EIF3K: variants seen among roughly 807,000 people sequenced by gnomAD.
EIF3K encodes the protein eIF-3 p28.
EIF3K carries 27 observed loss-of-function variants against 34.2 expected under a neutral mutation model. The observed-to-expected ratio is 0.79, with a 90% CI of 0.58 to 1.09. The LOEUF (loss-of-function observed/expected upper bound fraction) is 1.09, where lower values mean the gene tolerates loss of function less well. Ranked by LOEUF, EIF3K falls within the 50% of genes least tolerant of loss-of-function variation. The pLI, the probability that EIF3K is intolerant of heterozygous loss-of-function variation, is 0.00. For missense variants in EIF3K, 232 were observed against 275.4 expected, an observed-to-expected ratio of 0.84 and a Z score of 1.11; for synonymous variants, 105 against 105.7, an observed-to-expected ratio of 0.99 and a Z score of 0.04.
chr19:38,620,353 C>G lies in EIF3K; in HGVS notation c.76C>G (p.Leu26Val), dbSNP rs763429199. 2 of 1,613,980 alleles carry G rather than the reference C, an allele frequency of 1.2e-6. No individual in the cohort carries two copies. The highest frequency in any genetic ancestry group is 4.5e-5 in the East Asian group (2 of 44,880). The change falls in exon 2 of 8, where the codon CTG becomes GTG. Residue 26 changes from leucine (L) to valine (V), a missense_variant. Coordinates refer to ENST00000248342, the MANE Select transcript of EIF3K (RefSeq NM_013234.4). The part of the protein sequence containing the change: ...KGIDRYNPEN[L>V]ATLERYVETQ... ...CTCCTTTAGGTACAATCCTGAGAAC[C>G]TGGCCACCCTGGAGCGCTATGTAGA...
intron 2 of EIF3K, among the ~76,000 whole-genome samples, chr19:38,623,112 G>C (rs957553381): frequency 6.6e-6 from 1 of 152,148 alleles, no homozygotes; most frequent in Non-Finnish European, 1.5e-5. Context: ...AAATCACAAG[G>C]GTATTGATTG....
chr19:38,635,341 C>G (rs1025127914), intron 7 of EIF3K: 1 of 617,118 alleles, frequency 1.6e-6, no homozygotes, highest in African/African-American at 1.8e-5. Context: ...GTGTCCTGCC[C>G]CATAGCACTC....
At chr19:38,636,776 G>T in intron 7 of EIF3K, 113 bp from the exon 8 acceptor site, 1 of 1,239,086 alleles carries the variant, frequency 8.1e-7, no homozygotes, top group East Asian at 2.3e-5. Context: ...TGGTAACTGG[G>T]GCCTGGAAGG....
At chr19:38,624,224 G>T (rs149505188) in intron 3 of EIF3K, 27 bp downstream of exon 3, 4 of 1,613,698 alleles carry the variant, frequency 2.5e-6, no homozygotes, top group South Asian at 2.2e-5. Context: ...GGGGCCGGGG[G>T]GTGTGTGGGA....
chr19:38,633,899 G>A (rs1976128306), intron 6 of EIF3K, among the ~76,000 whole-genome samples: 1 of 151,376 alleles, frequency 6.6e-6, no homozygotes, highest in African/African-American at 2.4e-5. Flanking sequence ...CTTGAGCCCA[G>A]GAGCAGAGGT....
At chr19:38,623,938 C>T in intron 2 of EIF3K, 139 bp from the exon 3 acceptor site, 1 of 1,344,774 alleles carries the variant, frequency 7.4e-7, no homozygotes, top group Non-Finnish European at 1.0e-6. Context: ...GGTTACACAG[C>T]TGGGAAGCAC....
chr19:38,624,887 C>G (rs1289081501), intron 3 of EIF3K, among the ~76,000 whole-genome samples: 2 of 152,192 alleles, frequency 1.3e-5, no homozygotes, highest in Admixed American at 6.5e-5. Flanking sequence ...TGTTACCTCC[C>G]AGGAAGGATG....
intron 4 of EIF3K, among the ~76,000 whole-genome samples, chr19:38,626,669 G>C (rs1341780060): frequency 6.6e-6 from 1 of 152,124 alleles, no homozygotes; most frequent in Non-Finnish European, 1.5e-5. Context: ...TCTTCTACCT[G>C]TCTGACATGC....
intron 4 of EIF3K, among the ~76,000 whole-genome samples, chr19:38,627,167 G>A (rs1416079408): frequency 2.0e-5 from 3 of 151,900 alleles, no homozygotes; most frequent in Non-Finnish European, 4.4e-5. Flanking sequence ...TGTATTTTTA[G>A]TAGAGACGGG....
At chr19:38,620,788 G>C (rs1975822561) in intron 2 of EIF3K, among the ~76,000 whole-genome samples, 1 of 152,120 alleles carries the variant, frequency 6.6e-6, no homozygotes, top group Non-Finnish European at 1.5e-5. Flanking sequence ...CAGCTACTCG[G>C]GAGGCTGAGG....
intron 4 of EIF3K, among the ~76,000 whole-genome samples, chr19:38,629,094 C>G (rs1396807099): frequency 6.6e-6 from 1 of 151,692 alleles, no homozygotes; most frequent in Non-Finnish European, 1.5e-5. Context: ...ATTTTTTATT[C>G]AAGTAAGAAA....
chr19:38,634,402 C>A (rs1976141603), intron 6 of EIF3K, among the ~76,000 whole-genome samples: 1 of 151,108 alleles, frequency 6.6e-6, no homozygotes, highest in African/African-American at 2.4e-5. Context: ...AGTTCGAGAC[C>A]AGCCTGACCA....
chr19:38,625,936 A>C (rs2144768287), intron 3 of EIF3K, 92 bp from the exon 4 acceptor site: 1 of 1,208,382 alleles, frequency 8.3e-7, no homozygotes, highest in African/African-American at 1.5e-5. Context: ...GCTTTGGAAG[A>C]AAGCAGCCAG....
At chr19:38,633,338 G>T (rs1355169689) in intron 6 of EIF3K, among the ~76,000 whole-genome samples, 1 of 151,700 alleles carries the variant, frequency 6.6e-6, no homozygotes. Context: ...ATCCCCCCAA[G>T]AACAAAAAAA....
chr19:38,625,986 T>TA (rs757449117), intron 3 of EIF3K, 42 bp from the exon 4 acceptor site: 6 of 1,600,220 alleles, frequency 3.7e-6, no homozygotes, highest in South Asian at 2.2e-5. Context: ...GGTCCAACCT[T>TA]ACGCTCCGAG....
intron 4 of EIF3K, among the ~76,000 whole-genome samples, chr19:38,629,058 T>A (rs1019134464): frequency 2.0e-5 from 3 of 149,700 alleles, no homozygotes; most frequent in African/African-American, 4.9e-5. Flanking sequence ...GACTGCACAC[T>A]TTTTTTTTTA....
rs141884061 is a variant in EIF3K, at chr19:38,633,112, T to C, written c.499+434T>C. The stretch of plus-strand genomic sequence containing the variant: ...CCTGAGGTAGTGCAGAGGAGGATAG[T>C]AGAGCAGGGCCCTGACTTGTAACGT... On this transcript the variant is annotated intron_variant, in intron 6 of 7. Transcript: ENST00000248342. Among the ~76,000 whole-genome samples, 214 of 152,212 alleles carry C rather than the reference T, an allele frequency of 1.4e-3. 2 individuals are homozygous for C. Among genetic ancestry groups the C allele is most frequent in the African/African-American group, 4.9e-3 (203 of 41,550 alleles).
Position 38,632,677 on chromosome 19 carries a change from G to A in EIF3K, c.498G>A (p.Ser166=). The change falls in exon 6 of 8, where the codon TCG becomes TCA. Residue 166 remains serine (S), a splice_region_variant and synonymous_variant. Transcript: ENST00000248342. ...WLLAEMLGDL[S]DSQLKVWMSK... The stretch of plus-strand genomic sequence containing the variant: ...TGGCCGAGATGCTCGGGGATCTGTC[G>A]GGTAACGCCCTCTGGGTCCTGGTGC... 8 of 1,611,570 alleles carry A rather than the reference G, an allele frequency of 5.0e-6. No individual in the cohort carries two copies. The highest frequency in any genetic ancestry group is 1.1e-5 in the South Asian group (1 of 90,616).
Position 38,632,806 on chromosome 19 carries a change from A to G in EIF3K, c.499+128A>G. The G allele has an allele frequency of 1.7e-5, 13 of 770,480 alleles. 1 individual carries two copies. In the South Asian group the frequency reaches 2.5e-4, roughly 15 times the overall value. The allele number at this position is 770,480 out of a possible 1,614,324, so 47.7% of individuals were successfully genotyped here. ...TCAGCATGGAAGGCCCAGCCCAAGG[A>G]GGAAATAAGAACTTGGTATAAGACA... On this transcript the variant is annotated intron_variant, in intron 6 of 7. Coordinates refer to ENST00000248342, the MANE Select transcript of EIF3K (RefSeq NM_013234.4).
Sources: gnomAD v4.1 joint callset for allele counts (sites outside exome capture counted in the v4.1 genomes callset) on GRCh38, gnomAD v4.1.1 for gene constraint, MANE v1.5 for transcripts, NCBI Gene and HGNC (gene_info 2026-07-23, HGNC 2026-07-21) for gene names.